SH3BP4: variants seen among roughly 807,000 people sequenced by gnomAD.
SH3BP4 encodes the protein SH3 domain-binding protein 4.
A neutral mutation model predicts 65.5 loss-of-function variants in SH3BP4; 33 were observed. The ratio of observed to expected loss-of-function variants is 0.50; its 90% CI spans 0.38 to 0.67. SH3BP4 has a LOEUF of 0.67. Among genes scored for constraint, SH3BP4 ranks in the 30% least tolerant of loss-of-function variants. SH3BP4 has a pLI of 0.00. For missense variants in SH3BP4, 1,134 were observed against 1,261.4 expected, an observed-to-expected ratio of 0.90 and a Z score of 1.53; for synonymous variants, 552 against 545.5, an observed-to-expected ratio of 1.01 and a Z score of -0.17.
chr2:234,973,607 T>G (rs1269363113), intron 1 of SH3BP4, among the ~76,000 whole-genome samples: 1 of 151,876 alleles, frequency 6.6e-6, no homozygotes, highest in Non-Finnish European at 1.5e-5. Flanking sequence ...CCTTTCTCAC[T>G]TAATTCAGCT....
At chr2:234,993,860 G>A (rs1336938682) in intron 1 of SH3BP4, among the ~76,000 whole-genome samples, 2 of 152,232 alleles carry the variant, frequency 1.3e-5, no homozygotes, top group East Asian at 1.9e-4. Flanking sequence ...CAGAAAATCA[G>A]CTTGGGTGCA....
At position 235,041,505 on chromosome 2, in the gene SH3BP4, A is replaced by G; in HGVS notation, c.736A>G (p.Ser246Gly). Residue 246 changes from serine to glycine, a missense_variant, in exon 4 of 6, where the codon AGT becomes GGT. Physicochemically the swap from Ser to Gly is moderately conservative, Grantham distance 56 (BLOSUM62 0). Coordinates refer to ENST00000392011, the MANE Select transcript of SH3BP4 (RefSeq NM_014521.3). The surrounding 1 kb of genome is among the most constrained non-coding windows in gnomAD (Gnocchi z 6.0). The part of the protein sequence containing the change: ...NPFFRSKRSY[S>G]LSELSVLQAK... ...CTTCTTCAGAAGCAAGCGCTCCTAC[A>G]GTCTCTCGGAACTCTCCGTCCTCCA... The G allele has an allele frequency of 6.2e-7, 1 of 1,614,128 alleles. No individual in the cohort carries two copies. Among genetic ancestry groups the G allele is most frequent in the Non-Finnish European group, 8.5e-7 (1 of 1,180,038 alleles).
intron 1 of SH3BP4, among the ~76,000 whole-genome samples, chr2:234,963,272 G>A (rs1259173908): frequency 6.6e-6 from 1 of 152,154 alleles, no homozygotes; most frequent in Non-Finnish European, 1.5e-5. Flanking sequence ...TTCCATGCAT[G>A]TTAAGTTTCT....
Position 235,041,727 on chromosome 2 carries a change from G to T in SH3BP4, c.958G>T (p.Val320Leu), listed in dbSNP as rs764802082. 1.2e-6 allele frequency: 2 copies of T among 1,611,508 alleles called. No homozygotes were observed. The highest frequency in any genetic ancestry group is 1.7e-6 in the Non-Finnish European group (2 of 1,178,510). ...GACCCAAGCCGTGGAGACAAACATC[G>T]TGTGCAAGCTGGATAGCTCCGGGGG... ...GQTQAVETNI[V>L]CKLDSSGGAV... The change falls in exon 4 of 6, where the codon GTG (valine) becomes TTG (leucine). Residue 320 changes from valine (V) to leucine (L), a missense_variant. Physicochemically the swap from Val to Leu is conservative, Grantham distance 32 (BLOSUM62 1). Transcript: ENST00000392011. This position sits in a 1 kb window ranked among gnomAD's most constrained non-coding sequence, Gnocchi z 6.0.
chr2:234,964,001 C>T (rs1574774507), intron 1 of SH3BP4, among the ~76,000 whole-genome samples: 1 of 152,272 alleles, frequency 6.6e-6, no homozygotes, highest in African/African-American at 2.4e-5. Context: ...GAGAGGAAAA[C>T]TAATTTATGG....
At chr2:235,019,873 TA>T (rs199714068) in intron 2 of SH3BP4, among the ~76,000 whole-genome samples, 26,150 of 112,564 alleles carry the variant, frequency 0.23, 2,618 homozygotes, top group East Asian at 0.44. Context: ...TAAAGATTCT[TA>T]AAAAAAAAAA....
At chr2:235,021,910 A>C (rs1694856317) in intron 2 of SH3BP4, among the ~76,000 whole-genome samples, 1 of 152,210 alleles carries the variant, frequency 6.6e-6, no homozygotes, top group Admixed American at 6.5e-5. Flanking sequence ...TTCATGCAGG[A>C]GTAATTGCTC....
intron 1 of SH3BP4, among the ~76,000 whole-genome samples, chr2:234,957,357 A>C (rs1167335682): frequency 6.6e-6 from 1 of 151,896 alleles, no homozygotes; most frequent in Non-Finnish European, 1.5e-5. Flanking sequence ...AACATTACTA[A>C]ATAGTTAACA....
Position 235,041,366 on chromosome 2 carries a change from ATCC to A in SH3BP4, c.602_604del (p.Ser201del). The A allele has an allele frequency of 1.2e-6, 2 of 1,614,194 alleles. No homozygotes were observed. On this transcript the variant is annotated inframe_deletion, in exon 4 of 6. Coordinates refer to ENST00000392011, the MANE Select transcript of SH3BP4 (RefSeq NM_014521.3). The surrounding 1 kb of genome is among the most constrained non-coding windows in gnomAD (Gnocchi z 6.0). ...ATTTGCTCCTTTTTGACGCAGGTAC[ATCC>A]TCCTTCACCGAATCCAGCTCAGCCA...
chr2:235,040,895 T>C lies in SH3BP4; in HGVS notation c.126T>C (p.Ser42=). The C allele has an allele frequency of 6.2e-7, 1 of 1,610,414 alleles. No individual in the cohort carries two copies. Residue 42 remains serine (S), a synonymous_variant, in exon 4 of 6, where the codon TCT becomes TCC. Coordinates refer to ENST00000392011, the MANE Select transcript of SH3BP4 (RefSeq NM_014521.3). ...TCTTTGTGTTTTGCACAGTGCCTTC[T>C]CCCAGTGCCTTGCTCGTAGACAACC... is the stretch of plus-strand genomic sequence containing the variant. The part of the protein sequence containing the change: ...ETSFNDIKVP[S]PSALLVDNPT...
intron 1 of SH3BP4, chr2:234,979,629 A>T (rs1296595750): frequency 6.6e-6 from 1 of 152,266 alleles, no homozygotes; most frequent in Admixed American, 6.5e-5. Flanking sequence ...TGATTACATT[A>T]TGTGGGCTTA....
rs904695199 is a variant in SH3BP4, at chr2:235,052,279, A to G, written c.2479-283A>G. Among the ~76,000 whole-genome samples, 1 of 151,648 alleles carries G rather than the reference A, an allele frequency of 6.6e-6. No homozygotes were observed. Among genetic ancestry groups the G allele is most frequent in the Non-Finnish European group, 1.5e-5 (1 of 67,960 alleles). On this transcript the variant is annotated intron_variant, in intron 4 of 5. Transcript: ENST00000392011. The surrounding 1 kb of genome is among the most constrained non-coding windows in gnomAD (Gnocchi z 5.0). The stretch of plus-strand genomic sequence containing the variant: ...TCCAGAGGGACCTCATCTTAATTCT[A>G]TCTGCAAAGACCCCATTTTCAAGTA...
chr2:234,960,650 C>T (rs966290991), intron 1 of SH3BP4, among the ~76,000 whole-genome samples: 7 of 152,160 alleles, frequency 4.6e-5, no homozygotes, highest in Non-Finnish European at 8.8e-5. Context: ...TTTGGGGCCA[C>T]GTGCGCACAC....
At chr2:234,989,704 G>A (rs1398760360) in intron 1 of SH3BP4, among the ~76,000 whole-genome samples, 2 of 152,196 alleles carry the variant, frequency 1.3e-5, no homozygotes, top group Non-Finnish European at 2.9e-5. Flanking sequence ...TAAGGACACT[G>A]CGACTTAAAT....
intron 4 of SH3BP4, 87 bp downstream of exon 4, chr2:235,043,334 G>C (rs1574847216): frequency 1.9e-6 from 2 of 1,080,034 alleles, no homozygotes; most frequent in Non-Finnish European, 2.7e-6. Flanking sequence ...CGTGGGCCGT[G>C]GTGTCGTAAG....
Position 235,026,852 on chromosome 2 carries a change from T to TC in SH3BP4, c.-132-8018dup, listed in dbSNP as rs910288820. On this transcript the variant is annotated intron_variant, in intron 2 of 5. Transcript: ENST00000392011. The surrounding 1 kb of genome is among the most constrained non-coding windows in gnomAD (Gnocchi z 4.6). ...TGAGTCTGATCGGCTGGCGTGCCTG[T>TC]CGGTGGCTGCCCATGCCTTCCGATG... 6.6e-6 allele frequency among the ~76,000 whole-genome samples: 1 copy of TC among 152,138 alleles called. No homozygotes were observed. The highest frequency in any genetic ancestry group is 2.4e-5 in the African/African-American group (1 of 41,442).
Position 235,026,380 on chromosome 2 carries a change from C to A in SH3BP4, c.-132-8491C>A. On this transcript the variant is annotated intron_variant, in intron 2 of 5. Coordinates refer to ENST00000392011, the MANE Select transcript of SH3BP4 (RefSeq NM_014521.3). This position sits in a 1 kb window ranked among gnomAD's most constrained non-coding sequence, Gnocchi z 4.6. ...GTGACGACTCATGGCCCTTGTTTTC[C>A]CCGCATCTCTGGAGTCTGAGTCACC... Among the ~76,000 whole-genome samples, 1 of 152,150 alleles carries A rather than the reference C, an allele frequency of 6.6e-6. No homozygotes were observed. The highest frequency in any genetic ancestry group is 2.4e-5 in the African/African-American group (1 of 41,426).
intron 4 of SH3BP4, among the ~76,000 whole-genome samples, chr2:235,047,640 C>T (rs1433057546): frequency 6.6e-6 from 1 of 152,180 alleles, no homozygotes; most frequent in Non-Finnish European, 1.5e-5. Flanking sequence ...CTGGAGATAG[C>T]CGTGGGCAGT....
At chr2:235,049,839 C>T (rs1695989346) in intron 4 of SH3BP4, among the ~76,000 whole-genome samples, 1 of 152,202 alleles carries the variant, frequency 6.6e-6, no homozygotes, top group African/African-American at 2.4e-5. Flanking sequence ...GCCTCCACGC[C>T]TGTCACTTCC....
Sources: gnomAD v4.1 joint callset for allele counts (sites outside exome capture counted in the v4.1 genomes callset) on GRCh38, gnomAD v4.1.1 for gene constraint, Gnocchi (gnomAD v3.1) non-coding constraint, MANE v1.5 for transcripts, NCBI Gene and HGNC (gene_info 2026-07-23, HGNC 2026-07-21) for gene names.